TENM2: variants seen among roughly 807,000 people sequenced by gnomAD.
TENM2 encodes teneurin-2.
TENM2 carries 52 observed loss-of-function variants against 245.2 expected under a neutral mutation model. That is an observed-to-expected ratio of 0.21 (90% CI 0.17 to 0.27). TENM2 has a LOEUF of 0.27. Among genes scored for constraint, TENM2 ranks in the 10% least tolerant of loss-of-function variants. The probability of loss-of-function intolerance (pLI) is 1.00; values close to 1 mark genes in which losing one functional copy is unlikely to be tolerated. For synonymous variants in TENM2, 1,363 were observed against 1,438.9 expected (o/e 0.95, Z 1.19); for missense variants, 3,046 against 3,666.8 (o/e 0.83, Z 4.37).
chr5:167,459,950 A>AAC (rs1342191712), intron 2 of TENM2, among the ~76,000 whole-genome samples: 1 of 150,668 alleles, frequency 6.6e-6, no homozygotes, highest in Non-Finnish European at 1.5e-5. Flanking sequence ...ACACACACAC[A>AAC]ACACACACTC....
chr5:168,073,931 G>A (rs1791241448), intron 7 of TENM2, among the ~76,000 whole-genome samples: 1 of 152,192 alleles, frequency 6.6e-6, no homozygotes, highest in Non-Finnish European at 1.5e-5. Context: ...GCCAGGGACA[G>A]GGCAGAGCTA....
At chr5:167,207,756 CT>C in the TENM2 span, among the ~76,000 whole-genome samples, 1 of 152,032 alleles carries the variant, frequency 6.6e-6, no homozygotes, top group Non-Finnish European at 1.5e-5. Flanking sequence ...GGTATATTCT[CT>C]TTTTTCTTTT....
chr5:167,318,780 TC>T (rs1756536333), intron 1 of TENM2, among the ~76,000 whole-genome samples: 1 of 152,196 alleles, frequency 6.6e-6, no homozygotes, highest in Non-Finnish European at 1.5e-5. Flanking sequence ...CTCATGCCCC[TC>T]CTGGTGTTCC....
At chr5:168,130,759 C>T (rs906004201) in intron 12 of TENM2, among the ~76,000 whole-genome samples, 5 of 152,076 alleles carry the variant, frequency 3.3e-5, no homozygotes, top group Non-Finnish European at 5.9e-5. Context: ...CATGGTGGTA[C>T]GTGCCTGTAG....
At chr5:166,989,441 G>A in the TENM2 span, among the ~76,000 whole-genome samples, 1 of 151,668 alleles carries the variant, frequency 6.6e-6, no homozygotes, top group Non-Finnish European at 1.5e-5. Flanking sequence ...TGTATTTTTA[G>A]TAGAGATGGG....
chr5:167,779,874 G>A (rs1764070190), intron 2 of TENM2, among the ~76,000 whole-genome samples: 1 of 152,192 alleles, frequency 6.6e-6, no homozygotes, highest in Admixed American at 6.5e-5. Flanking sequence ...GCTGGGTAGT[G>A]GGGAGGGAGG....
intron 2 of TENM2, among the ~76,000 whole-genome samples, chr5:167,445,369 A>AGTGT (rs1554154171): frequency 4.1e-5 from 4 of 98,610 alleles, no homozygotes; most frequent in East Asian, 4.1e-4. Context: ...AGAGAGAGAG[A>AGTGT]GTGTCAGGTG....
intron 13 of TENM2, among the ~76,000 whole-genome samples, chr5:168,164,787 T>A (rs934707588): frequency 5.9e-5 from 9 of 152,116 alleles, no homozygotes; most frequent in Non-Finnish European, 8.8e-5. Context: ...GGGGCAGAGG[T>A]TGTTTCAGAG....
At chr5:167,766,326 A>G (rs1270354446) in intron 2 of TENM2, among the ~76,000 whole-genome samples, 1 of 152,172 alleles carries the variant, frequency 6.6e-6, no homozygotes, top group East Asian at 1.9e-4. Flanking sequence ...AGCACAAAAC[A>G]AGGGGACACA....
rs1166767869 is a variant in TENM2 at position 167,287,108 on chromosome 5, T to C, written c.226+2045T>C. On this transcript the variant is annotated intron_variant, in intron 1 of 28. Transcript: ENST00000518659. ...AAGTGCAATTCCTTCTGAAGACATCTATGAATTTATGCATGAAAATGTAGT... is the reference window on the plus strand; with the variant it reads ...AAGTGCAATTCCTTCTGAAGACATCCATGAATTTATGCATGAAAATGTAGT... 3.9e-5 allele frequency among the ~76,000 whole-genome samples: 6 copies of C among 152,356 alleles called. No individual in the cohort carries two copies. In the East Asian group the frequency reaches 1.2e-3, roughly 29 times the overall value.
chr5:168,141,903 A>C (rs146368806), intron 12 of TENM2, among the ~76,000 whole-genome samples: 10 of 152,352 alleles, frequency 6.6e-5, no homozygotes, highest in Non-Finnish European at 1.5e-4. Flanking sequence ...TCACACACAT[A>C]CACAAACATT....
At chr5:167,467,140 A>C (rs933089788) in intron 2 of TENM2, among the ~76,000 whole-genome samples, 8 of 152,276 alleles carry the variant, frequency 5.3e-5, no homozygotes, top group Admixed American at 3.9e-4. Context: ...CCAAGTGTTA[A>C]GGGAGTAACC....
At chr5:168,234,915 G>T (rs768014295) in intron 25 of TENM2, among the ~76,000 whole-genome samples, 4 of 152,222 alleles carry the variant, frequency 2.6e-5, no homozygotes, top group Non-Finnish European at 5.9e-5. Context: ...CCAAGAAGAA[G>T]TGGGAGTTAG....
chr5:167,092,390 A>C, the TENM2 span, among the ~76,000 whole-genome samples: 1 of 152,194 alleles, frequency 6.6e-6, no homozygotes, highest in Non-Finnish European at 1.5e-5. Context: ...TTAATTGAAA[A>C]TTAATTACAA....
At chr5:167,543,147 G>A (rs1772322558) in intron 2 of TENM2, among the ~76,000 whole-genome samples, 1 of 152,146 alleles carries the variant, frequency 6.6e-6, no homozygotes, top group African/African-American at 2.4e-5. Context: ...GCTCACTCAA[G>A]CTTAAGCACT....
chr5:167,158,955 T>A, the TENM2 span, among the ~76,000 whole-genome samples: 1 of 150,320 alleles, frequency 6.7e-6, no homozygotes, highest in Admixed American at 6.7e-5. Flanking sequence ...TCTTTCTTCT[T>A]TCTTTCTTTT....
chr5:167,263,226 T>C, the TENM2 span, among the ~76,000 whole-genome samples: 1 of 152,206 alleles, frequency 6.6e-6, no homozygotes, highest in African/African-American at 2.4e-5. Flanking sequence ...TTAAGTACTA[T>C]GTTAATGTTT....
At chr5:167,977,837 G>A (rs1782552070) in intron 4 of TENM2, among the ~76,000 whole-genome samples, 1 of 152,168 alleles carries the variant, frequency 6.6e-6, no homozygotes, top group Admixed American at 6.6e-5. Flanking sequence ...ATGTAGTTGG[G>A]ATGTTTGTCC....
chr5:167,930,450 G>T (rs1177716841), intron 3 of TENM2, among the ~76,000 whole-genome samples: 1 of 141,794 alleles, frequency 7.1e-6, no homozygotes, highest in African/African-American at 2.8e-5. Context: ...GCTTTTCTTA[G>T]AATTTTATTT....
Sources: allele counts gnomAD v4.1 joint callset (sites outside exome capture counted in the v4.1 genomes callset), GRCh38; gene constraint gnomAD v4.1.1; transcripts MANE v1.5; gene names NCBI Gene and HGNC (gene_info 2026-07-23, HGNC 2026-07-21).